The following SLC35E2B variants were observed in gnomAD, a reference collection of about 807,000 sequenced individuals.
SLC35E2B encodes solute carrier family 35, member E2B.
SLC35E2B carries 18 observed loss-of-function variants against 32.4 expected under a neutral mutation model. That is an observed-to-expected ratio of 0.56 (90% confidence interval 0.38 to 0.82). SLC35E2B has a LOEUF of 0.82. Among genes scored for constraint, SLC35E2B ranks in the 40% least tolerant of loss-of-function variants. SLC35E2B has a pLI of 0.00. For missense variants in SLC35E2B, 263 were observed against 469.5 expected (o/e 0.56, Z 4.06); for synonymous variants, 132 against 209.1 (o/e 0.63, Z 3.18).
intron 2 of SLC35E2B, among the ~76,000 whole-genome samples, chr1:1,683,279 C>T (rs1004066813): frequency 7.2e-5 from 11 of 152,098 alleles, no homozygotes; most frequent in Admixed American, 3.9e-4. Context: ...AGGTCCCCTG[C>T]GGCGAGGGCT....
Position 1,663,565 on chromosome 1 carries a change from G to A in SLC35E2B, c.*2217C>T. ...GGCTCACTGCAACCTCCATCTCCGG[G>A]GTTCAAACAATTCTCCTGCCTCAGC... On this transcript the variant is annotated 3_prime_UTR_variant, in exon 10 of 10. Transcript: ENST00000617444. 2.8e-6 allele frequency: 1 copy of A among 358,712 alleles called. No individual in the cohort carries two copies. Among genetic ancestry groups the A allele is most frequent in the Non-Finnish European group, 3.9e-6 (1 of 255,436 alleles). 22.2% of individuals were successfully genotyped at this position (358,712 alleles called of 1,614,324 possible).
intron 8 of SLC35E2B, 38 bp downstream of exon 8, chr1:1,669,626 C>CG: frequency 6.7e-7 from 1 of 1,493,226 alleles, no homozygotes; most frequent in Non-Finnish European, 9.0e-7. Flanking sequence ...GAAGGCAGCC[C>CG]GGCAAGTAAG....
At chr1:1,684,233 C>T (rs186298389) in intron 2 of SLC35E2B, among the ~76,000 whole-genome samples, 5 of 152,180 alleles carry the variant, frequency 3.3e-5, no homozygotes, top group Admixed American at 2.6e-4. Context: ...GTGCTGACAC[C>T]CACATCAGTG....
At position 1,662,969 on chromosome 1, in the gene SLC35E2B, C is replaced by T; in HGVS notation, c.*2813G>A. ...TGTACAATCGTTAACACGGCCAAGCCAGGCCTTGGGTTTTGCCTCTTGGTG... is the reference window on the plus strand; with the variant it reads ...TGTACAATCGTTAACACGGCCAAGCTAGGCCTTGGGTTTTGCCTCTTGGTG... On this transcript the variant is annotated 3_prime_UTR_variant, in exon 10 of 10. Coordinates refer to ENST00000617444, the MANE Select transcript of SLC35E2B (RefSeq NM_001290264.2). The T allele has an allele frequency of 1.1e-6, 1 of 930,760 alleles. No homozygotes were observed. Among genetic ancestry groups the T allele is most frequent in the Non-Finnish European group, 1.3e-6 (1 of 779,670 alleles). The allele number at this position is 930,760 out of a possible 1,614,324, so 57.7% of individuals were successfully genotyped here. A position where few individuals can be genotyped will look rare whatever the true frequency, so the allele number is the denominator to read the frequency against.
At chr1:1,670,587 A>G (rs1324218412) in intron 6 of SLC35E2B, 1 of 155,196 alleles carries the variant, frequency 6.4e-6, no homozygotes, top group Non-Finnish European at 1.4e-5. Flanking sequence ...ATGCCCGACT[A>G]ATCTTTTGTA....
At chr1:1,686,321 CTTT>C (rs375495225) in intron 2 of SLC35E2B, among the ~76,000 whole-genome samples, 49,475 of 127,020 alleles carry the variant, frequency 0.39, 8,336 homozygotes, top group East Asian at 0.52. Context: ...CTTTTTTTTT[CTTT>C]TTTTTTTTTT....
intron 2 of SLC35E2B, among the ~76,000 whole-genome samples, chr1:1,686,751 G>A (rs1232401514): frequency 3.4e-5 from 5 of 148,198 alleles, no homozygotes; most frequent in Non-Finnish European, 7.4e-5. Context: ...GGGCGACAGA[G>A]ACTCTGTCTC....
chr1:1,670,279 G>A (rs748081394), intron 6 of SLC35E2B, 128 bp from the exon 7 acceptor site: 12 of 672,488 alleles, frequency 1.8e-5, no homozygotes, highest in African/African-American at 5.5e-5. Flanking sequence ...CCGCCACCAC[G>A]CCTGGTTACT....
intron 2 of SLC35E2B, among the ~76,000 whole-genome samples, chr1:1,680,508 T>A (rs1204418376): frequency 1.3e-5 from 2 of 151,728 alleles, no homozygotes; most frequent in Non-Finnish European, 2.9e-5. Flanking sequence ...CGTGCAGGAG[T>A]GGAACTGCCC....
intron 9 of SLC35E2B, among the ~76,000 whole-genome samples, chr1:1,667,823 C>A (rs973826387): frequency 1.3e-5 from 2 of 151,804 alleles, no homozygotes; most frequent in Non-Finnish European, 2.9e-5. Context: ...ACACAGTTTA[C>A]GGTTTATTTT....
At chr1:1,681,216 G>A (rs185277634) in intron 2 of SLC35E2B, among the ~76,000 whole-genome samples, 8 of 151,194 alleles carry the variant, frequency 5.3e-5, no homozygotes, top group East Asian at 2.0e-4. Context: ...TCTTTTTTTC[G>A]AGATAGAGTC....
At chr1:1,679,581 C>G (rs998980013) in intron 2 of SLC35E2B, among the ~76,000 whole-genome samples, 2 of 152,066 alleles carry the variant, frequency 1.3e-5, no homozygotes, top group Non-Finnish European at 2.9e-5. Context: ...AATCCCAGCA[C>G]TTTGGGAGGC....
chr1:1,667,227 A>T (rs1387768499), intron 9 of SLC35E2B, among the ~76,000 whole-genome samples: 1 of 149,926 alleles, frequency 6.7e-6, no homozygotes, highest in African/African-American at 2.5e-5. Flanking sequence ...TAACACGGTG[A>T]AACCCTGTCT....
chr1:1,685,410 C>A (rs143759069), intron 2 of SLC35E2B, among the ~76,000 whole-genome samples: 1 of 102,060 alleles, frequency 9.8e-6, no homozygotes, highest in African/African-American at 4.0e-5. Flanking sequence ...GAAACGTTTT[C>A]TCAGAAAAAA....
intron 2 of SLC35E2B, among the ~76,000 whole-genome samples, chr1:1,678,624 G>A (rs1005593131): frequency 2.6e-5 from 4 of 152,016 alleles, no homozygotes; most frequent in South Asian, 2.1e-4. Flanking sequence ...GGAGAAGGCC[G>A]ACCCCTCCAC....
intron 9 of SLC35E2B, among the ~76,000 whole-genome samples, chr1:1,667,367 T>C (rs1368949392): frequency 6.6e-6 from 1 of 152,064 alleles, no homozygotes; most frequent in African/African-American, 2.4e-5. Flanking sequence ...GAGCCGAGAC[T>C]GCGATACTGA....
At chr1:1,682,905 C>T (rs1338762546) in intron 2 of SLC35E2B, among the ~76,000 whole-genome samples, 1 of 151,898 alleles carries the variant, frequency 6.6e-6, no homozygotes, top group African/African-American at 2.4e-5. Context: ...GGTGAAACCC[C>T]GTCTCTACTA....
At position 1,665,996 on chromosome 1, in the gene SLC35E2B, G is replaced by GC. The variant is rs1462324271; in HGVS notation, c.1003dup (p.Ala335GlyfsTer84). On this transcript the variant is annotated frameshift_variant, in exon 10 of 10. Coordinates refer to ENST00000617444, the MANE Select transcript of SLC35E2B (RefSeq NM_001290264.2). LOFTEE classifies it high-confidence loss of function. ...GATTACGCTGAGCCAGATGGACAAG[G>GC]CATGTTTCACGGTGCTGGCGACGCT... 2.1e-5 allele frequency: 33 copies of GC among 1,551,344 alleles called. No individual in the cohort carries two copies. The highest frequency in any genetic ancestry group is 8.7e-7 in the Non-Finnish European group (1 of 1,146,940).
intron 2 of SLC35E2B, among the ~76,000 whole-genome samples, chr1:1,687,258 CT>C (rs1643962679): frequency 6.6e-6 from 1 of 152,100 alleles, no homozygotes; most frequent in Non-Finnish European, 1.5e-5. Context: ...TCCCAGCGCC[CT>C]AACCTTGGTT....
Sources: allele counts gnomAD v4.1 joint callset (sites outside exome capture counted in the v4.1 genomes callset), GRCh38; gene constraint gnomAD v4.1.1; transcripts MANE v1.5; gene names NCBI Gene and HGNC (gene_info 2026-07-23, HGNC 2026-07-21).